UHRF2: variants seen among roughly 807,000 people sequenced by gnomAD.
UHRF2 encodes E3 ubiquitin-protein ligase UHRF2.
In UHRF2, 23 loss-of-function variants were observed where a neutral mutation model predicts 96.8. The ratio of observed to expected loss-of-function variants is 0.24; its 90% CI spans 0.17 to 0.34. UHRF2 has a LOEUF of 0.34. Ranked by LOEUF, UHRF2 falls within the 10% of genes least tolerant of loss-of-function variation. The pLI, the probability that UHRF2 is intolerant of heterozygous loss-of-function variation, is 1.00. For missense variants in UHRF2, 685 were observed against 981.5 expected, an observed-to-expected ratio of 0.70 and a Z score of 4.04; for synonymous variants, 385 against 332.6, an observed-to-expected ratio of 1.16 and a Z score of -1.72.
At chr9:6,499,760 C>T (rs987578387) in intron 12 of UHRF2, 75 bp from the exon 13 acceptor site, 5 of 933,944 alleles carry the variant, frequency 5.4e-6, no homozygotes, top group East Asian at 2.9e-5. Context: ...CTTTTAATTT[C>T]TCACCAGGAT....
chr9:6,419,858 G>C (rs1324463168), intron 1 of UHRF2, among the ~76,000 whole-genome samples: 1 of 152,022 alleles, frequency 6.6e-6, no homozygotes, highest in Non-Finnish European at 1.5e-5. Flanking sequence ...TCCCACCTCA[G>C]CCTCCTGAGT....
intron 6 of UHRF2, among the ~76,000 whole-genome samples, chr9:6,480,251 C>A (rs1823840683): frequency 6.6e-6 from 1 of 152,360 alleles, no homozygotes; most frequent in South Asian, 2.1e-4. Flanking sequence ...CATACCACTT[C>A]TAGTCACTCT....
At chr9:6,484,441 T>TCCTCCCTCCTCCCC (rs1824132648) in intron 8 of UHRF2, among the ~76,000 whole-genome samples, 1 of 95,560 alleles carries the variant, frequency 1.0e-5, no homozygotes, top group African/African-American at 4.1e-5. Flanking sequence ...GTCTCTTCCC[T>TCCTCCCTCCTCCCC]CCTCCCTCCT....
Position 6,475,403 on chromosome 9 carries a change from A to G in UHRF2, c.876A>G (p.Gly292=). ...CTTTTTTAAACAGGGGTTCTGAAGG[A>G]ACATTAAATGACTGCAAGATAATAT... ...RVKIFLGGSE[G]TLNDCKIISV... Residue 292 remains glycine (G), a synonymous_variant, in exon 5 of 16, where the codon GGA becomes GGG. Coordinates refer to ENST00000276893, the MANE Select transcript of UHRF2 (RefSeq NM_152896.3). The G allele has an allele frequency of 6.4e-7, 1 of 1,567,406 alleles. No individual in the cohort carries two copies. The highest frequency in any genetic ancestry group is 8.6e-7 in the Non-Finnish European group (1 of 1,156,560).
At chr9:6,447,430 G>A (rs886381183) in intron 3 of UHRF2, among the ~76,000 whole-genome samples, 1 of 152,110 alleles carries the variant, frequency 6.6e-6, no homozygotes, top group Non-Finnish European at 1.5e-5. Context: ...ATGGAAATAT[G>A]CATACCTAGC....
intron 4 of UHRF2, among the ~76,000 whole-genome samples, chr9:6,469,550 A>G (rs879755279): frequency 1.3e-5 from 2 of 151,822 alleles, no homozygotes; most frequent in Non-Finnish European, 1.5e-5. Flanking sequence ...AAAAATAACA[A>G]ATAAGACACA....
chr9:6,421,091 A>G lies in UHRF2; in HGVS notation c.333A>G (p.Pro111=). The change falls in exon 2 of 16, where the codon CCA becomes CCG. Residue 111 remains proline (P), a synonymous_variant. Transcript: ENST00000276893. The part of the protein sequence containing the change: ...KAPRVGPSNQ[P]STSARARLID... ...CGAGGGTAGGACCTTCCAATCAGCC[A>G]TCTACATCAGCTCGTGCCCGTCTTA... 6.2e-7 allele frequency: 1 copy of G among 1,614,182 alleles called. No individual in the cohort carries two copies. Among genetic ancestry groups the G allele is most frequent in the Non-Finnish European group, 8.5e-7 (1 of 1,180,038 alleles).
At chr9:6,425,300 C>T (rs1820187036) in intron 2 of UHRF2, among the ~76,000 whole-genome samples, 1 of 152,194 alleles carries the variant, frequency 6.6e-6, no homozygotes, top group Non-Finnish European at 1.5e-5. Flanking sequence ...TATTTGATGG[C>T]TATGTCCCTT....
intron 3 of UHRF2, among the ~76,000 whole-genome samples, chr9:6,446,261 A>G (rs1280613092): frequency 2.0e-5 from 3 of 151,106 alleles, no homozygotes; most frequent in Non-Finnish European, 4.4e-5. Flanking sequence ...AGCGATTCTC[A>G]TACCTCAGCC....
rs186248601 is a variant in UHRF2, at chr9:6,441,322, G to C, written c.644+7149G>C. On this transcript the variant is annotated intron_variant, in intron 3 of 15. Coordinates refer to ENST00000276893, the MANE Select transcript of UHRF2 (RefSeq NM_152896.3). Reference sequence around the variant, plus strand: ...CCAGGAGGTGGAGGTTGCAGTGAGTGAAGATTGTGCCATTGTACTCCAGCT... The same window carrying C: ...CCAGGAGGTGGAGGTTGCAGTGAGTCAAGATTGTGCCATTGTACTCCAGCT... Among the ~76,000 whole-genome samples the C allele has an allele frequency of 3.2e-3, 482 of 151,888 alleles. 3 individuals are homozygous for C. Among genetic ancestry groups the C allele is most frequent in the Non-Finnish European group, 5.4e-3 (368 of 67,960 alleles).
At chr9:6,481,535 C>G in intron 6 of UHRF2, 108 bp from the exon 7 acceptor site, 2 of 1,309,788 alleles carry the variant, frequency 1.5e-6, no homozygotes, top group Admixed American at 4.6e-5. Flanking sequence ...GTAATGTATA[C>G]CAAATAATAC....
intron 3 of UHRF2, among the ~76,000 whole-genome samples, chr9:6,437,341 T>G (rs1281078282): frequency 6.6e-6 from 1 of 152,184 alleles, no homozygotes; most frequent in East Asian, 1.9e-4. Flanking sequence ...CAAGCGATTC[T>G]CCTGCCTCAG....
At chr9:6,501,679 C>T (rs1356488441) in intron 14 of UHRF2, among the ~76,000 whole-genome samples, 5 of 152,144 alleles carry the variant, frequency 3.3e-5, no homozygotes, top group African/African-American at 1.2e-4. Flanking sequence ...GTTTAGAGGA[C>T]AGGGGAAAGT....
At chr9:6,466,848 C>A (rs149441956) in intron 4 of UHRF2, among the ~76,000 whole-genome samples, 87 of 152,330 alleles carry the variant, frequency 5.7e-4, no homozygotes, top group South Asian at 1.0e-3. Flanking sequence ...ATTTGACTTA[C>A]TCTGTCTCTT....
At chr9:6,489,122 G>A (rs1253292090) in intron 9 of UHRF2, among the ~76,000 whole-genome samples, 3 of 152,060 alleles carry the variant, frequency 2.0e-5, no homozygotes, top group Non-Finnish European at 4.4e-5. Flanking sequence ...ATTTCTTCCT[G>A]TAATTTTCTC....
intron 12 of UHRF2, 92 bp from the exon 13 acceptor site, chr9:6,499,742 TC>T: frequency 1.4e-6 from 1 of 713,870 alleles, no homozygotes. Context: ...CGTGTAGTCT[TC>T]CCCTCCCTTT....
intron 2 of UHRF2, among the ~76,000 whole-genome samples, chr9:6,422,031 A>G (rs1397781563): frequency 1.3e-5 from 2 of 152,126 alleles, no homozygotes; most frequent in African/African-American, 4.8e-5. Flanking sequence ...TTCCAGTTTC[A>G]TCTGTTTTAA....
intron 3 of UHRF2, chr9:6,449,203 C>T (rs1015444902): frequency 6.6e-6 from 1 of 152,204 alleles, no homozygotes; most frequent in Non-Finnish European, 1.5e-5. Flanking sequence ...TCTTCAACTA[C>T]AGCACTTTCT....
intron 3 of UHRF2, among the ~76,000 whole-genome samples, chr9:6,448,276 A>G (rs748555308): frequency 2.0e-5 from 3 of 152,224 alleles, no homozygotes; most frequent in Non-Finnish European, 4.4e-5. Flanking sequence ...GCAACCAAAT[A>G]CTCAAAGGAA....
Sources: allele counts gnomAD v4.1 joint callset (sites outside exome capture counted in the v4.1 genomes callset), GRCh38; gene constraint gnomAD v4.1.1; transcripts MANE v1.5; gene names NCBI Gene and HGNC (gene_info 2026-07-23, HGNC 2026-07-21).